Variants in PTPRE observed in about 807,000 individuals in gnomAD.
PTPRE encodes the protein receptor-type tyrosine-protein phosphatase epsilon.
PTPRE carries 51 observed loss-of-function variants against 102.0 expected under a neutral mutation model. The observed-to-expected ratio is 0.50, with a 90% confidence interval of 0.40 to 0.63. PTPRE has a LOEUF of 0.63. Among genes scored for constraint, PTPRE ranks in the 30% least tolerant of loss-of-function variants. The pLI, the probability that PTPRE is intolerant of heterozygous loss-of-function variation, is 0.00. For missense variants in PTPRE, 752 were observed against 915.1 expected (o/e 0.82, Z 2.30); for synonymous variants, 345 against 348.2 (o/e 0.99, Z 0.10).
intron 2 of PTPRE, among the ~76,000 whole-genome samples, chr10:128,011,598 A>T (rs1293483984): frequency 6.6e-6 from 1 of 152,224 alleles, no homozygotes; most frequent in Non-Finnish European, 1.5e-5. Flanking sequence ...CCCATCCCTA[A>T]TGCTTCCAAA....
rs1848946771 is a variant in PTPRE, at chr10:128,056,192, A to T, written c.490A>T (p.Arg164Ter). 13 of 1,609,514 alleles carry T rather than the reference A, an allele frequency of 8.1e-6. No individual in the cohort carries two copies. Among genetic ancestry groups the T allele is most frequent in the Non-Finnish European group, 1.1e-5 (13 of 1,175,906 alleles). The change falls in exon 7 of 21, where the codon AGA becomes TGA. Residue 164 changes from arginine (R) to a stop codon, truncating the protein, a stop_gained. Coordinates refer to ENST00000254667, the MANE Select transcript of PTPRE (RefSeq NM_006504.6). LOFTEE classifies it high-confidence loss of function. ...TAAAGAAGAAAACAGAGAAAAAAAC[A>T]GATATCCCAACATCCTTCCCAGTAA... is the stretch of plus-strand genomic sequence containing the variant. ...ANKEENREKN[R>*]YPNILPNDHS...
intron 19 of PTPRE, 143 bp downstream of exon 19, chr10:128,077,926 C>T: frequency 1.2e-6 from 1 of 865,096 alleles, no homozygotes; most frequent in Non-Finnish European, 1.7e-6. Flanking sequence ...TCCTTACACA[C>T]ATGCACACAC....
chr10:128,004,939 T>C (rs988855827), intron 2 of PTPRE, among the ~76,000 whole-genome samples: 2 of 152,210 alleles, frequency 1.3e-5, no homozygotes, highest in African/African-American at 4.8e-5. Context: ...TCCTAAGAGA[T>C]GTGAAGTGGA....
chr10:127,909,116 G>C (rs11018399), intron 1 of PTPRE, among the ~76,000 whole-genome samples: 1 of 152,008 alleles, frequency 6.6e-6, no homozygotes, highest in Non-Finnish European at 1.5e-5. Flanking sequence ...TGTCAGCACC[G>C]CCACCTCCAC....
Position 128,047,770 on chromosome 10 carries a change from G to A in PTPRE, c.216G>A (p.Arg72=). Residue 72 remains arginine (R), a synonymous_variant, in exon 5 of 21, where the codon AGG becomes AGA. Coordinates refer to ENST00000254667, the MANE Select transcript of PTPRE (RefSeq NM_006504.6). ...LLLAAYFFRF[R]KQRKAVVSTS... is the part of the protein sequence containing the mutation. ...CGCATCCTGTGTCTCTAAGGTTCAG[G>A]AAGCAGAGGAAAGCTGTGGTCAGCA... is the stretch of plus-strand genomic sequence containing the variant. The A allele has an allele frequency of 1.2e-6, 2 of 1,610,038 alleles. No individual in the cohort carries two copies. The highest frequency in any genetic ancestry group is 1.7e-6 in the Non-Finnish European group (2 of 1,176,532).
intron 1 of PTPRE, among the ~76,000 whole-genome samples, chr10:127,912,639 G>A (rs1845941389): frequency 6.6e-6 from 1 of 152,234 alleles, no homozygotes; most frequent in South Asian, 2.1e-4. Context: ...AACTTGTTTG[G>A]ATCCCAGGTC....
intron 5 of PTPRE, among the ~76,000 whole-genome samples, chr10:128,048,691 G>C (rs1440477831): frequency 6.6e-6 from 1 of 152,170 alleles, no homozygotes; most frequent in African/African-American, 2.4e-5. Flanking sequence ...TGTTTCAATA[G>C]CAGGAACGGA....
chr10:128,058,975 T>C (rs549199591), intron 7 of PTPRE, among the ~76,000 whole-genome samples: 100 of 152,330 alleles, frequency 6.6e-4, no homozygotes, highest in Admixed American at 1.5e-3. Flanking sequence ...AGAAAGACTA[T>C]AGAAAGATGG....
chr10:127,915,992 A>G (rs903540234), intron 1 of PTPRE, among the ~76,000 whole-genome samples: 1 of 150,166 alleles, frequency 6.7e-6, no homozygotes, highest in African/African-American at 2.5e-5. Flanking sequence ...CTGGAGTTAC[A>G]GGGAAAAAAA....
At chr10:127,961,487 G>A (rs1280354013) in intron 1 of PTPRE, among the ~76,000 whole-genome samples, 2 of 152,174 alleles carry the variant, frequency 1.3e-5, no homozygotes, top group Non-Finnish European at 2.9e-5. Context: ...AGATGCAACA[G>A]GACAGGGAAG....
chr10:128,004,658 T>C (rs1854332978), intron 2 of PTPRE, among the ~76,000 whole-genome samples: 1 of 152,270 alleles, frequency 6.6e-6, no homozygotes, highest in African/African-American at 2.4e-5. Flanking sequence ...TGGATGAACT[T>C]AGGTTAGTTT....
At position 128,072,512 on chromosome 10, in the gene PTPRE, C is replaced by T. The variant is rs374425830; in HGVS notation, c.1464+298C>T. 6.2e-5 allele frequency: 15 copies of T among 240,702 alleles called. No homozygotes were observed. The East Asian group carries it at 6.9e-4, about 11-fold the overall frequency. 14.9% of individuals were successfully genotyped at this position (240,702 alleles called of 1,614,324 possible). A position where few individuals can be genotyped will look rare whatever the true frequency, so the allele number is the denominator to read the frequency against. On this transcript the variant is annotated intron_variant, in intron 16 of 20. Coordinates refer to ENST00000254667, the MANE Select transcript of PTPRE (RefSeq NM_006504.6). ...ACTAAAAATACAAAAATTAGCTGGG[C>T]GTGATGGCAGGTGCCTGTAATCCCA...
intron 18 of PTPRE, among the ~76,000 whole-genome samples, 159 bp from the exon 19 acceptor site, chr10:128,077,458 G>T (rs1851308251): frequency 6.6e-6 from 1 of 152,206 alleles, no homozygotes; most frequent in South Asian, 2.1e-4. Flanking sequence ...GGACAAGCAG[G>T]TTTCAGCCTT....
At chr10:128,036,616 A>C in intron 2 of PTPRE, among the ~76,000 whole-genome samples, 1 of 150,726 alleles carries the variant, frequency 6.6e-6, no homozygotes, top group East Asian at 1.9e-4. Flanking sequence ...GCTCCCTCCC[A>C]CCCCAGCTCC....
At chr10:127,919,559 C>T (rs1232499245) in intron 1 of PTPRE, among the ~76,000 whole-genome samples, 4 of 152,184 alleles carry the variant, frequency 2.6e-5, no homozygotes, top group Non-Finnish European at 4.4e-5. Context: ...TGGTGCTGGG[C>T]CTCAGGAAAT....
chr10:128,060,081 TACAC>T (rs59000055), intron 7 of PTPRE, among the ~76,000 whole-genome samples: 95,798 of 145,874 alleles, frequency 0.66, 31,085 homozygotes, highest in South Asian at 0.77. Context: ...TACCACACAC[TACAC>T]ACACACACAC....
At chr10:127,931,745 T>A (rs1331865800) in intron 1 of PTPRE, among the ~76,000 whole-genome samples, 1 of 152,256 alleles carries the variant, frequency 6.6e-6, no homozygotes, top group Non-Finnish European at 1.5e-5. Flanking sequence ...GGAGTTTTTT[T>A]CTTAATGCAG....
intron 2 of PTPRE, among the ~76,000 whole-genome samples, chr10:128,023,760 A>G (rs1197553162): frequency 4.6e-5 from 7 of 152,208 alleles, no homozygotes; most frequent in Non-Finnish European, 1.5e-5. Flanking sequence ...TATTGAGGGC[A>G]GTGTCCTTGG....
intron 5 of PTPRE, among the ~76,000 whole-genome samples, chr10:128,049,319 C>A (rs371667489): frequency 6.6e-6 from 1 of 152,086 alleles, no homozygotes. Context: ...GAGGGACGCC[C>A]GTCACTTGTA....
Sources: allele counts gnomAD v4.1 joint callset (sites outside exome capture counted in the v4.1 genomes callset), GRCh38; gene constraint gnomAD v4.1.1; transcripts MANE v1.5; gene names NCBI Gene and HGNC (gene_info 2026-07-23, HGNC 2026-07-21).